Variants in RANBP2 observed in about 807,000 individuals in gnomAD.
The protein encoded by RANBP2 is RAN binding protein 2, also known as E3 SUMO-protein ligase RanBP2.
Under a neutral mutation model 303.6 loss-of-function variants are expected in RANBP2, and 57 were observed. The observed-to-expected ratio is 0.19, with a 90% CI of 0.15 to 0.23. RANBP2 has a LOEUF of 0.23. Among genes scored for constraint, RANBP2 ranks in the 10% least tolerant of loss-of-function variants. The pLI is 1.00. For missense variants in RANBP2, 3,138 were observed against 3,780.8 expected, an observed-to-expected ratio of 0.83 and a Z score of 4.46; for synonymous variants, 1,167 against 1,301.5, an observed-to-expected ratio of 0.90 and a Z score of 2.23.
At chr2:109,571,200 G>T in the RANBP2 span, among the ~76,000 whole-genome samples, 1 of 152,192 alleles carries the variant, frequency 6.6e-6, no homozygotes, top group East Asian at 1.9e-4. Flanking sequence ...TTCTTGTACA[G>T]CCTAAGGAAC....
chr2:108,959,768 G>A, the RANBP2 span, among the ~76,000 whole-genome samples: 3 of 152,152 alleles, frequency 2.0e-5, no homozygotes, highest in Admixed American at 1.3e-4. Flanking sequence ...AGCTTGATGA[G>A]GAGTGCTGGC....
the RANBP2 span, among the ~76,000 whole-genome samples, chr2:109,243,266 C>T: frequency 6.6e-6 from 1 of 152,218 alleles, no homozygotes; most frequent in African/African-American, 2.4e-5. Flanking sequence ...AGTCCTGGGC[C>T]AGAGCCGGCG....
At chr2:108,748,294 A>G (rs1029823484) in intron 8 of RANBP2, among the ~76,000 whole-genome samples, 7 of 142,704 alleles carry the variant, frequency 4.9e-5, no homozygotes, top group East Asian at 4.0e-4. Context: ...TGCAAGCTCC[A>G]CCTCCTGGGT....
At chr2:108,878,060 G>A in the RANBP2 span, among the ~76,000 whole-genome samples, 1 of 152,120 alleles carries the variant, frequency 6.6e-6, no homozygotes, top group African/African-American at 2.4e-5. Context: ...TACCACTTAC[G>A]TACTATTCTG....
the RANBP2 span, among the ~76,000 whole-genome samples, chr2:109,143,136 C>T: frequency 1.3e-5 from 2 of 152,030 alleles, no homozygotes; most frequent in Admixed American, 6.6e-5. Flanking sequence ...ACCTGGGAAA[C>T]GTTTTATATT....
At chr2:109,630,712 G>A in the RANBP2 span, among the ~76,000 whole-genome samples, 1 of 152,172 alleles carries the variant, frequency 6.6e-6, no homozygotes, top group South Asian at 2.1e-4. Context: ...TACAAAACAA[G>A]GATCAGGAAA....
the RANBP2 span, among the ~76,000 whole-genome samples, chr2:109,550,847 T>C: frequency 6.6e-6 from 1 of 152,208 alleles, no homozygotes; most frequent in Non-Finnish European, 1.5e-5. Flanking sequence ...ATGTTCATGG[T>C]TGTAACGTAG....
the RANBP2 span, chr2:108,912,641 T>C: frequency 6.5e-7 from 1 of 1,537,896 alleles, no homozygotes. Context: ...GAGTACCACC[T>C]AACTCCAGGT....
chr2:109,023,823 AAAAC>A, the RANBP2 span, among the ~76,000 whole-genome samples: 2 of 152,100 alleles, frequency 1.3e-5, no homozygotes, highest in Non-Finnish European at 2.9e-5. Flanking sequence ...CAAACAAACA[AAAAC>A]AAACAAACAA....
At chr2:109,166,368 T>A in the RANBP2 span, among the ~76,000 whole-genome samples, 1 of 150,744 alleles carries the variant, frequency 6.6e-6, no homozygotes, top group Non-Finnish European at 1.5e-5. Flanking sequence ...TCCCAGCTAC[T>A]TGGGAGGCTG....
the RANBP2 span, among the ~76,000 whole-genome samples, chr2:109,040,899 CA>C: frequency 8.6e-5 from 13 of 151,862 alleles, no homozygotes; most frequent in African/African-American, 2.9e-4. Context: ...ACTAAAAATA[CA>C]AAAAAATTAG....
the RANBP2 span, among the ~76,000 whole-genome samples, chr2:109,411,441 G>T: frequency 7.2e-5 from 11 of 152,308 alleles, no homozygotes; most frequent in Admixed American, 5.2e-4. Context: ...GCCCCCAGTA[G>T]CGTGCTGCTG....
At position 108,766,339 on chromosome 2, in the gene RANBP2, C is replaced by T. The variant is rs199920895; in HGVS notation, c.5800C>T (p.Arg1934Cys). The T allele has an allele frequency of 3.0e-5, 48 of 1,611,886 alleles. No homozygotes were observed. The Admixed American group carries it at 3.8e-4, about 13-fold the overall frequency. Reference sequence around the variant, plus strand: ...GGATATTAGTGGCCAGAAGAATGGCCGTGGTGTGATTTTTGGCCAAACAAG... The same window carrying T: ...GGATATTAGTGGCCAGAAGAATGGCTGTGGTGTGATTTTTGGCCAAACAAG... ...AQDISGQKNGRGVIFGQTSST... is the reference protein window; with the variant it reads ...AQDISGQKNGCGVIFGQTSST... The change falls in exon 20 of 29, where the codon CGT becomes TGT. Residue 1934 changes from arginine to cysteine, a missense_variant. By Grantham distance (180) the Arg-to-Cys change is radical. Coordinates refer to ENST00000283195, the MANE Select transcript of RANBP2 (RefSeq NM_006267.5).
chr2:109,387,624 G>A, the RANBP2 span, among the ~76,000 whole-genome samples: 1 of 152,118 alleles, frequency 6.6e-6, no homozygotes, highest in Non-Finnish European at 1.5e-5. Flanking sequence ...GCCCATCTGG[G>A]CCCCCTATTT....
chr2:109,078,100 A>ATATATATATATATATGGTG, the RANBP2 span, among the ~76,000 whole-genome samples: 1 of 70,006 alleles, frequency 1.4e-5, no homozygotes, highest in Non-Finnish European at 2.9e-5. Flanking sequence ...ATATATATAT[A>ATATATATATATATATGGTG]TATATATATA....
the RANBP2 span, among the ~76,000 whole-genome samples, chr2:108,886,051 A>G: frequency 5.3e-5 from 8 of 152,300 alleles, no homozygotes; most frequent in African/African-American, 1.7e-4. Flanking sequence ...TGCTATTGTG[A>G]ATAGTGCTGC....
At chr2:109,301,778 G>T in the RANBP2 span, among the ~76,000 whole-genome samples, 2 of 152,108 alleles carry the variant, frequency 1.3e-5, no homozygotes, top group Admixed American at 1.3e-4. Context: ...ATCCTTTTTG[G>T]GTGGGTTGCC....
chr2:109,066,033 A>T, the RANBP2 span, among the ~76,000 whole-genome samples: 2 of 151,528 alleles, frequency 1.3e-5, no homozygotes, highest in African/African-American at 2.4e-5. Context: ...TGCCTCCCGG[A>T]TTCAAGCAAT....
chr2:108,830,294 T>G, the RANBP2 span, among the ~76,000 whole-genome samples: 1 of 152,216 alleles, frequency 6.6e-6, no homozygotes, highest in Non-Finnish European at 1.5e-5. Context: ...GATACAGAGT[T>G]TCATTTTGGC....
Sources: allele counts gnomAD v4.1 joint callset (sites outside exome capture counted in the v4.1 genomes callset), GRCh38; gene constraint gnomAD v4.1.1; transcripts MANE v1.5; gene names NCBI Gene and HGNC (gene_info 2026-07-23, HGNC 2026-07-21).